The following KLF7 variants were observed in gnomAD, a reference collection of about 807,000 sequenced individuals.
The protein encoded by KLF7 is Krueppel-like factor 7.
A neutral mutation model predicts 27.3 loss-of-function variants in KLF7; 2 were observed. The observed-to-expected ratio is 0.07, with a 90% CI of 0.03 to 0.23. The LOEUF (loss-of-function observed/expected upper bound fraction) is 0.23, where lower values mean the gene tolerates loss of function less well. Ranked by LOEUF, KLF7 falls within the 10% of genes least tolerant of loss-of-function variation. The pLI is 1.00. For synonymous variants in KLF7, 165 were observed against 162.4 expected, an observed-to-expected ratio of 1.02 and a Z score of -0.12; for missense variants, 221 against 394.1, an observed-to-expected ratio of 0.56 and a Z score of 3.72.
chr2:207,122,348 A>T (rs1377707351), intron 2 of KLF7, among the ~76,000 whole-genome samples: 2 of 152,222 alleles, frequency 1.3e-5, no homozygotes, highest in African/African-American at 4.8e-5. Context: ...TTAGAGCAGT[A>T]CAGGCCCAAG....
chr2:207,106,308 G>GA (rs2076881520), intron 2 of KLF7, among the ~76,000 whole-genome samples: 1 of 152,232 alleles, frequency 6.6e-6, no homozygotes, highest in Non-Finnish European at 1.5e-5. Context: ...CCAATGTGGG[G>GA]AGAGTTCTAC....
chr2:207,170,407 G>A (rs1158856045), upstream of KLF7, among the ~76,000 whole-genome samples: 3 of 152,204 alleles, frequency 2.0e-5, no homozygotes, highest in Admixed American at 1.3e-4. Context: ...AAGTACAAGG[G>A]AAGGAGCAAG....
chr2:207,144,125 A>G (rs2078026658), intron 1 of KLF7, among the ~76,000 whole-genome samples: 1 of 150,590 alleles, frequency 6.6e-6, no homozygotes, highest in Admixed American at 6.6e-5. Context: ...AGGCTCCCAT[A>G]AAAACCCTGG....
rs543248255 is a variant in KLF7 at position 207,075,057 on chromosome 2, G to T, written c.*6156C>A. 12 of 152,160 alleles carry T rather than the reference G, an allele frequency of 7.9e-5. No homozygotes were observed. The South Asian group carries it at 2.3e-3, about 29-fold the overall frequency. The allele number at this position is 152,160 out of a possible 1,614,324, so 9.4% of individuals were successfully genotyped here. A position where few individuals can be genotyped will look rare whatever the true frequency, so the allele number is the denominator to read the frequency against. On this transcript the variant is annotated 3_prime_UTR_variant, in exon 4 of 4. Transcript: ENST00000309446. Reference sequence around the variant, plus strand: ...TCTTTCGAAGATTTTTTTCCCCAGTGAAACAAGCTAAGGAGAAATACAGTA... The same window carrying T: ...TCTTTCGAAGATTTTTTTCCCCAGTTAAACAAGCTAAGGAGAAATACAGTA...
At chr2:207,170,978 T>C (rs2078780354), upstream of KLF7, among the ~76,000 whole-genome samples, 1 of 151,244 alleles carries the variant, frequency 6.6e-6, no homozygotes, top group South Asian at 2.1e-4. Flanking sequence ...AGACTATAAT[T>C]GCCATAGATA....
rs150247947 is a variant in KLF7, at chr2:207,148,922, C to T, written c.102+16545G>A. 83 of 787,458 alleles carry T rather than the reference C, an allele frequency of 1.1e-4. No homozygotes were observed. In the African/African-American group the frequency reaches 1.5e-3, roughly 14 times the overall value. 48.8% of individuals were successfully genotyped at this position (787,458 alleles called of 1,614,324 possible). On this transcript the variant is annotated intron_variant, in intron 1 of 3. Transcript: ENST00000309446. ...ATCTCCTATCACCCCTCCACCCTCA[C>T]CTGATTCCCCATTCTCTAAATTCTT...
At chr2:207,127,511 C>T (rs1201385089) in intron 1 of KLF7, among the ~76,000 whole-genome samples, 2 of 152,116 alleles carry the variant, frequency 1.3e-5, no homozygotes, top group African/African-American at 4.8e-5. Context: ...TTACTTCCAA[C>T]ATTGTTTGTA....
At chr2:207,166,901 GC>G (rs1225409375), upstream of KLF7, 15 of 1,056,046 alleles carry the variant, frequency 1.4e-5, no homozygotes, top group African/African-American at 6.7e-5. Context: ...GCCTGCGCCC[GC>G]CCCCCGCTTG....
chr2:207,125,695 C>CA (rs2077459627), intron 1 of KLF7, among the ~76,000 whole-genome samples: 1 of 152,148 alleles, frequency 6.6e-6, no homozygotes, highest in Non-Finnish European at 1.5e-5. Flanking sequence ...AACTATGAAT[C>CA]AGCTTTGGGT....
chr2:207,144,886 A>G (rs193174355), intron 1 of KLF7, among the ~76,000 whole-genome samples: 197 of 152,338 alleles, frequency 1.3e-3, no homozygotes, highest in African/African-American at 4.4e-3. Context: ...GTTGCACATC[A>G]GACTTGCATC....
chr2:207,155,469 A>G (rs539179634), intron 1 of KLF7, among the ~76,000 whole-genome samples: 4 of 152,318 alleles, frequency 2.6e-5, no homozygotes, highest in Non-Finnish European at 4.4e-5. Context: ...CTAGTTAAAG[A>G]AAGAATGTGC....
At chr2:207,167,101 C>G (rs1236416038), upstream of KLF7, 1 of 1,403,634 alleles carries the variant, frequency 7.1e-7, no homozygotes, top group Non-Finnish European at 9.3e-7. Flanking sequence ...AAGCTGGAGC[C>G]GGCAGCTTGC....
rs1348265678 is a variant in KLF7, at chr2:207,134,357, T to C, written c.103-9953A>G. 3.9e-5 allele frequency among the ~76,000 whole-genome samples: 6 copies of C among 151,956 alleles called. No homozygotes were observed. The East Asian group carries it at 1.2e-3, about 29-fold the overall frequency. ...TCTCTCTCTCCCTCGCAGCTTGAAT[T>C]TCCCAAGAATAACAGGTTCAAAGCC... On this transcript the variant is annotated intron_variant, in intron 1 of 3. Transcript: ENST00000309446.
intron 2 of KLF7, among the ~76,000 whole-genome samples, chr2:207,098,626 A>G (rs2076685458): frequency 6.6e-6 from 1 of 151,150 alleles, no homozygotes; most frequent in South Asian, 2.1e-4. Flanking sequence ...AGCTATTATT[A>G]TTATTATTAT....
At chr2:207,096,327 C>T (rs2076628909) in intron 2 of KLF7, among the ~76,000 whole-genome samples, 1 of 152,218 alleles carries the variant, frequency 6.6e-6, no homozygotes, top group South Asian at 2.1e-4. Context: ...CCAACAGCAG[C>T]CCTTCTCTGT....
chr2:207,172,309 T>C, the KLF7 span, among the ~76,000 whole-genome samples: 2 of 152,174 alleles, frequency 1.3e-5, no homozygotes, highest in Admixed American at 1.3e-4. Context: ...GTTTCCAGTT[T>C]ATTAACTTTA....
intron 3 of KLF7, among the ~76,000 whole-genome samples, chr2:207,084,889 G>A (rs1320558410): frequency 3.3e-5 from 5 of 152,014 alleles, no homozygotes; most frequent in Non-Finnish European, 7.4e-5. Flanking sequence ...TAGGCCAGGC[G>A]TCGTGGCTCG....
intron 2 of KLF7, among the ~76,000 whole-genome samples, chr2:207,111,169 G>A (rs2077026975): frequency 6.6e-6 from 1 of 152,224 alleles, no homozygotes; most frequent in Non-Finnish European, 1.5e-5. Context: ...TGGGAGAGTG[G>A]CTGGACCAAA....
chr2:207,150,426 G>A (rs1385197708), intron 1 of KLF7, among the ~76,000 whole-genome samples: 1 of 152,024 alleles, frequency 6.6e-6, no homozygotes, highest in East Asian at 1.9e-4. Context: ...GTTCCTGCTC[G>A]GAAAACTGAA....
Sources: allele counts gnomAD v4.1 joint callset (sites outside exome capture counted in the v4.1 genomes callset), GRCh38; gene constraint gnomAD v4.1.1; transcripts MANE v1.5; gene names NCBI Gene and HGNC (gene_info 2026-07-23, HGNC 2026-07-21).